AGMO: variants seen among roughly 807,000 people sequenced by gnomAD.
The protein encoded by AGMO is glyceryl-ether monooxygenase.
AGMO carries 75 observed loss-of-function variants against 60.2 expected under a neutral mutation model. The ratio of observed to expected loss-of-function variants is 1.25; its 90% CI spans 1.03 to 1.51. AGMO has a LOEUF of 1.51. Among genes scored for constraint, AGMO ranks in the 40% most tolerant of loss-of-function variants. The probability of loss-of-function intolerance (pLI) is 0.00; values close to 1 mark genes in which losing one functional copy is unlikely to be tolerated. For synonymous variants in AGMO, 261 were observed against 177.1 expected (o/e 1.47, Z -3.76); for missense variants, 763 against 525.5 (o/e 1.45, Z -4.42).
At chr7:15,231,709 T>C (rs182407809) in intron 12 of AGMO, among the ~76,000 whole-genome samples, 1 of 152,292 alleles carries the variant, frequency 6.6e-6, no homozygotes, top group East Asian at 1.9e-4. Flanking sequence ...CTAAATTATT[T>C]GTAAGGATAA....
At chr7:15,268,512 T>C (rs112665716) in intron 12 of AGMO, among the ~76,000 whole-genome samples, 2 of 152,084 alleles carry the variant, frequency 1.3e-5, no homozygotes, top group African/African-American at 2.4e-5. Flanking sequence ...ATATTTATTG[T>C]TTAGTTGTGA....
chr7:15,170,083 C>T, the AGMO span, among the ~76,000 whole-genome samples: 1 of 152,158 alleles, frequency 6.6e-6, no homozygotes, highest in Non-Finnish European at 1.5e-5. Flanking sequence ...TCCCCTCTTC[C>T]ACGGATATAA....
intron 2 of AGMO, among the ~76,000 whole-genome samples, chr7:15,550,823 C>A (rs1784932821): frequency 7.2e-6 from 1 of 139,576 alleles, no homozygotes; most frequent in African/African-American, 2.7e-5. Context: ...TTTATGAGGC[C>A]AGCATCATTC....
intron 3 of AGMO, among the ~76,000 whole-genome samples, chr7:15,444,588 A>G (rs1016827167): frequency 6.6e-6 from 1 of 152,166 alleles, no homozygotes; most frequent in Non-Finnish European, 1.5e-5. Flanking sequence ...CTTTGGCTTG[A>G]GTAACATTCT....
the AGMO span, among the ~76,000 whole-genome samples, chr7:15,136,819 CTT>C: frequency 2.6e-5 from 4 of 152,002 alleles, no homozygotes; most frequent in Non-Finnish European, 5.9e-5. Flanking sequence ...CTACCTATCT[CTT>C]GTCAAGTTTT....
rs1562557091 is a variant in AGMO at position 15,531,358 on chromosome 7, CTATAT to C, written c.409+13409_409+13413del. Among the ~76,000 whole-genome samples the C allele has an allele frequency of 7.8e-4, 11 of 14,018 alleles. 1 individual carries two copies. In the East Asian group the frequency reaches 0.014, roughly 18 times the overall value. The allele number at this position is 14,018 out of a possible 152,430, so 9.2% of individuals were successfully genotyped here. A position where few individuals can be genotyped will look rare whatever the true frequency, so the allele number is the denominator to read the frequency against. Reference sequence around the variant, plus strand: ...ATTCTATATATATTCTATATATATTCTATATATATATTCTATATATATTCTATATA... The same window carrying C: ...ATTCTATATATATTCTATATATATTCATATATTCTATATATATTCTATATA... On this transcript the variant is annotated intron_variant, in intron 3 of 12. Coordinates refer to ENST00000342526, the MANE Select transcript of AGMO (RefSeq NM_001004320.2).
At chr7:15,364,972 AAATATAGACCC>A (rs1297165937) in intron 12 of AGMO, among the ~76,000 whole-genome samples, 1 of 152,056 alleles carries the variant, frequency 6.6e-6, no homozygotes, top group Non-Finnish European at 1.5e-5. Context: ...TCTAAACAAT[AAATATAGACCC>A]AAAAGTTCAA....
chr7:15,118,203 CACACACAT>C, the AGMO span, among the ~76,000 whole-genome samples: 18 of 131,072 alleles, frequency 1.4e-4, no homozygotes, highest in East Asian at 8.6e-4. Flanking sequence ...CACACACACA[CACACACAT>C]ATATACAAAC....
intron 4 of AGMO, among the ~76,000 whole-genome samples, chr7:15,425,799 T>A (rs991875050): frequency 6.6e-6 from 1 of 152,188 alleles, no homozygotes; most frequent in South Asian, 2.1e-4. Flanking sequence ...GTTGCTAATA[T>A]GTTATAAACA....
At chr7:15,454,941 G>C (rs1292775613) in intron 3 of AGMO, among the ~76,000 whole-genome samples, 1 of 151,888 alleles carries the variant, frequency 6.6e-6, no homozygotes, top group African/African-American at 2.4e-5. Flanking sequence ...TCTGCCTTTG[G>C]TACTTTTCTC....
At chr7:15,549,712 A>G (rs1413259369) in intron 2 of AGMO, among the ~76,000 whole-genome samples, 1 of 151,080 alleles carries the variant, frequency 6.6e-6, no homozygotes, top group East Asian at 2.0e-4. Flanking sequence ...CCACACATTA[A>G]TAATGGGAGA....
the AGMO span, among the ~76,000 whole-genome samples, chr7:15,167,795 C>A: frequency 6.6e-6 from 1 of 152,178 alleles, no homozygotes; most frequent in Non-Finnish European, 1.5e-5. Flanking sequence ...CCAAATCCTG[C>A]ACTTTTGGAA....
At chr7:15,415,810 TA>T (rs1240851196) in intron 5 of AGMO, among the ~76,000 whole-genome samples, 3 of 152,078 alleles carry the variant, frequency 2.0e-5, no homozygotes, top group Admixed American at 2.0e-4. Context: ...AAACATGTAT[TA>T]AATAAAAAGA....
At chr7:15,361,491 G>A (rs1205137217) in intron 12 of AGMO, among the ~76,000 whole-genome samples, 2 of 132,502 alleles carry the variant, frequency 1.5e-5, no homozygotes, top group Non-Finnish European at 3.1e-5. Flanking sequence ...AGTGAGCCGA[G>A]ATCGCGCCAC....
At chr7:15,398,026 T>C (rs181348453) in intron 5 of AGMO, among the ~76,000 whole-genome samples, 4 of 152,332 alleles carry the variant, frequency 2.6e-5, no homozygotes, top group Admixed American at 1.3e-4. Context: ...ATGCTTTGGT[T>C]GGGCTTTGTA....
intron 3 of AGMO, among the ~76,000 whole-genome samples, chr7:15,474,439 A>G (rs926968772): frequency 8.5e-5 from 13 of 152,184 alleles, no homozygotes; most frequent in Non-Finnish European, 1.6e-4. Context: ...TGACAAAAGC[A>G]ATGGGGAAAA....
At chr7:15,205,890 T>C (rs1781427458) in intron 12 of AGMO, among the ~76,000 whole-genome samples, 1 of 152,126 alleles carries the variant, frequency 6.6e-6, no homozygotes, top group Non-Finnish European at 1.5e-5. Flanking sequence ...TCAGTGAGGT[T>C]TATAAAATAC....
chr7:15,386,663 C>A (rs1783928211), intron 9 of AGMO, among the ~76,000 whole-genome samples: 1 of 152,108 alleles, frequency 6.6e-6, no homozygotes, highest in South Asian at 2.1e-4. Flanking sequence ...TTCCTTGAAA[C>A]ATCACAGGCT....
chr7:15,345,539 C>T, intron 12 of AGMO, among the ~76,000 whole-genome samples: 1 of 152,176 alleles, frequency 6.6e-6, no homozygotes, highest in Admixed American at 6.6e-5. Flanking sequence ...ATTTTTCAAA[C>T]TCTACTGTAA....
Sources: allele counts gnomAD v4.1 joint callset (sites outside exome capture counted in the v4.1 genomes callset), GRCh38; gene constraint gnomAD v4.1.1; transcripts MANE v1.5; gene names NCBI Gene and HGNC (gene_info 2026-07-23, HGNC 2026-07-21).